GPC6: variants seen among roughly 807,000 people sequenced by gnomAD.
GPC6 encodes the protein glypican-6.
GPC6 carries 14 observed loss-of-function variants against 55.2 expected under a neutral mutation model. The observed-to-expected ratio is 0.25, with a 90% confidence interval of 0.17 to 0.40. GPC6 has a LOEUF of 0.40. GPC6 is among the 10% of genes least tolerant of loss of function. The pLI is 1.00. For missense variants in GPC6, 641 were observed against 708.5 expected (o/e 0.90, Z 1.08); for synonymous variants, 278 against 259.6 (o/e 1.07, Z -0.68).
intron 2 of GPC6, among the ~76,000 whole-genome samples, chr13:93,768,060 A>G (rs1396498312): frequency 6.6e-6 from 1 of 152,048 alleles, no homozygotes; most frequent in East Asian, 1.9e-4. Context: ...GTTTTTTCAC[A>G]TACACTTTGA....
At chr13:93,972,603 T>C (rs997204093) in intron 3 of GPC6, among the ~76,000 whole-genome samples, 1 of 152,162 alleles carries the variant, frequency 6.6e-6, no homozygotes, top group Non-Finnish European at 1.5e-5. Context: ...AGACAGTTAC[T>C]GTGAGTTCTC....
intron 1 of GPC6, among the ~76,000 whole-genome samples, chr13:93,454,229 G>A (rs1878346171): frequency 6.7e-6 from 1 of 148,704 alleles, no homozygotes; most frequent in Non-Finnish European, 1.5e-5. Context: ...TACGATCCCT[G>A]AGCTAGACAT....
chr13:93,808,718 G>C (rs919468936), intron 2 of GPC6, among the ~76,000 whole-genome samples: 4 of 152,202 alleles, frequency 2.6e-5, no homozygotes, highest in African/African-American at 9.6e-5. Context: ...TCACTCTACA[G>C]ATAGTTACTG....
chr13:94,194,291 T>A (rs1232334796), intron 4 of GPC6, among the ~76,000 whole-genome samples: 1 of 152,198 alleles, frequency 6.6e-6, no homozygotes, highest in Non-Finnish European at 1.5e-5. Flanking sequence ...TGCCATACAA[T>A]ATCTGGACAT....
At position 94,325,865 on chromosome 13, in the gene GPC6, C is replaced by T. The variant is rs182608712; in HGVS notation, c.1152+19742C>T. 9.2e-5 allele frequency among the ~76,000 whole-genome samples: 14 copies of T among 152,254 alleles called. No homozygotes were observed. The East Asian group carries it at 1.9e-3, about 21-fold the overall frequency. ...ACTTGTTTGGGTAAGCAGAGCAAGA[C>T]GACAATGAGACCAGAGCCTGATCCT... On this transcript the variant is annotated intron_variant, in intron 6 of 8. Coordinates refer to ENST00000377047, the MANE Select transcript of GPC6 (RefSeq NM_005708.5).
chr13:93,904,628 C>T (rs763783841), intron 3 of GPC6, among the ~76,000 whole-genome samples: 3 of 152,078 alleles, frequency 2.0e-5, no homozygotes, highest in Non-Finnish European at 4.4e-5. Flanking sequence ...GTCCCAGCTA[C>T]TAGGGAGGCT....
chr13:93,583,580 C>A (rs906436824), intron 2 of GPC6, among the ~76,000 whole-genome samples: 30 of 152,086 alleles, frequency 2.0e-4, no homozygotes, highest in African/African-American at 6.8e-4. Context: ...CCACACCCAG[C>A]TGATTTTTAT....
At chr13:94,339,272 C>T (rs913263750) in intron 6 of GPC6, among the ~76,000 whole-genome samples, 2 of 152,064 alleles carry the variant, frequency 1.3e-5, no homozygotes, top group African/African-American at 4.8e-5. Context: ...GCCATGTTGT[C>T]CAGGGTGGTC....
chr13:94,122,143 A>G (rs1441474502), intron 4 of GPC6, among the ~76,000 whole-genome samples: 1 of 152,130 alleles, frequency 6.6e-6, no homozygotes, highest in Non-Finnish European at 1.5e-5. Flanking sequence ...TAAATAAAAA[A>G]AAGTTTTCTA....
chr13:94,067,474 GTCTGTC>G lies in GPC6; in HGVS notation c.877+39584_877+39589del, dbSNP rs777662556. On this transcript the variant is annotated intron_variant, in intron 4 of 8. Transcript: ENST00000377047. ...ATGAAACATAGGCCTCTCTCTGTCT[GTCTGTC>G]TCTCTCTCTCTCTCTCTCTCTCTGT... is the stretch of plus-strand genomic sequence containing the variant. Among the ~76,000 whole-genome samples the G allele has an allele frequency of 1.5e-3, 210 of 142,248 alleles. 1 individual carries two copies. The Middle Eastern group carries it at 0.019, about 13-fold the overall frequency. The allele number at this position is 142,248 out of a possible 152,430, so 93.3% of individuals were successfully genotyped here.
chr13:94,160,814 A>AT (rs1185713882), intron 4 of GPC6, among the ~76,000 whole-genome samples: 1 of 151,992 alleles, frequency 6.6e-6, no homozygotes, highest in African/African-American at 2.4e-5. Context: ...TTTGTCAATT[A>AT]TTTTTTAATT....
intron 1 of GPC6, among the ~76,000 whole-genome samples, chr13:93,291,600 C>A (rs1878321562): frequency 6.6e-6 from 1 of 152,104 alleles, no homozygotes; most frequent in South Asian, 2.1e-4. Context: ...TAGGTAACAG[C>A]AAATTATACT....
At chr13:93,912,398 T>C (rs1000777786) in intron 3 of GPC6, among the ~76,000 whole-genome samples, 2 of 152,154 alleles carry the variant, frequency 1.3e-5, no homozygotes, top group African/African-American at 2.4e-5. Flanking sequence ...ATAGGGTGTA[T>C]TAATTTCCTA....
intron 3 of GPC6, among the ~76,000 whole-genome samples, chr13:94,022,967 T>A (rs1036171378): frequency 4.3e-4 from 65 of 152,086 alleles, no homozygotes; most frequent in Non-Finnish European, 2.1e-4. Flanking sequence ...GTTGTCATCA[T>A]CAGCTTATTC....
intron 1 of GPC6, among the ~76,000 whole-genome samples, chr13:93,404,199 A>G (rs988728410): frequency 6.6e-6 from 1 of 152,188 alleles, no homozygotes; most frequent in Non-Finnish European, 1.5e-5. Flanking sequence ...ACTAAAAAAT[A>G]AAACAAACCA....
intron 6 of GPC6, among the ~76,000 whole-genome samples, chr13:94,358,896 C>A (rs371820611): frequency 1.3e-5 from 2 of 152,152 alleles, no homozygotes; most frequent in Non-Finnish European, 2.9e-5. Context: ...CAGAAAAAAA[C>A]TGTTTTTAAA....
In GPC6 at chr13:93,429,272, A is replaced by G. The variant is rs920049446; in HGVS notation, c.161-115991A>G. On this transcript the variant is annotated intron_variant, in intron 1 of 8. Transcript: ENST00000377047. ...AACTCTGTTTCTTAGAGCCTCCTCAAAAGAAAAAAAAATCCCTCCTTAATG... is the reference window on the plus strand; with the variant it reads ...AACTCTGTTTCTTAGAGCCTCCTCAGAAGAAAAAAAAATCCCTCCTTAATG... 1.8e-4 allele frequency among the ~76,000 whole-genome samples: 25 copies of G among 141,928 alleles called. 1 individual carries two copies. Among genetic ancestry groups the G allele is most frequent in the African/African-American group, 4.9e-4 (19 of 38,466 alleles). 93.1% of individuals were successfully genotyped at this position (141,928 alleles called of 152,430 possible). A position where few individuals can be genotyped will look rare whatever the true frequency, so the allele number is the denominator to read the frequency against.
intron 1 of GPC6, among the ~76,000 whole-genome samples, chr13:93,229,330 C>G (rs1164315343): frequency 6.6e-6 from 1 of 151,782 alleles, no homozygotes; most frequent in Non-Finnish European, 1.5e-5. Context: ...ACTTTTTCTC[C>G]TTTAATCTGG....
At chr13:94,101,602 A>G (rs1885863645) in intron 4 of GPC6, among the ~76,000 whole-genome samples, 1 of 152,236 alleles carries the variant, frequency 6.6e-6, no homozygotes, top group Non-Finnish European at 1.5e-5. Flanking sequence ...ATAGTAACAG[A>G]TAATTTGTTC....
Sources: gnomAD v4.1 joint callset for allele counts (sites outside exome capture counted in the v4.1 genomes callset) on GRCh38, gnomAD v4.1.1 for gene constraint, MANE v1.5 for transcripts, NCBI Gene and HGNC (gene_info 2026-07-23, HGNC 2026-07-21) for gene names.